Variants in CCAR1 observed in about 807,000 individuals in gnomAD.
CCAR1 encodes cell division cycle and apoptosis regulator protein 1.
In CCAR1, 78 loss-of-function variants were observed where a neutral mutation model predicts 163.8. That is an observed-to-expected ratio of 0.48 (90% CI 0.40 to 0.57). The LOEUF is 0.57. Ranked by LOEUF, CCAR1 falls within the 20% of genes least tolerant of loss-of-function variation. The pLI, the probability that CCAR1 is intolerant of heterozygous loss-of-function variation, is 0.00. For synonymous variants in CCAR1, 443 were observed against 460.7 expected, an observed-to-expected ratio of 0.96 and a Z score of 0.49; for missense variants, 1,019 against 1,365.2, an observed-to-expected ratio of 0.75 and a Z score of 4.00.
At position 68,754,818 on chromosome 10, in the gene CCAR1, A is replaced by G; in HGVS notation, c.1449A>G (p.Arg483=). ...GAGATGGATTCCAACATCCTGCTAG[A>G]CTTGTTAAGGTAAAAGGACACATTT... ...ELRDGFQHPA[R]LVKFLVGMKG... The change falls in exon 12 of 25, where the codon AGA becomes AGG. Residue 483 remains arginine, a synonymous_variant. Transcript: ENST00000265872. The G allele has an allele frequency of 6.3e-7, 1 of 1,576,796 alleles. No homozygotes were observed.
At chr10:68,745,907 C>T (rs1432141831) in intron 6 of CCAR1, among the ~76,000 whole-genome samples, 7 of 152,006 alleles carry the variant, frequency 4.6e-5, no homozygotes, top group East Asian at 1.9e-4. Flanking sequence ...AAAGTTATGG[C>T]GTTAGAGGCA....
chr10:68,766,613 G>A (rs139499210), intron 17 of CCAR1, among the ~76,000 whole-genome samples: 3 of 151,824 alleles, frequency 2.0e-5, no homozygotes, highest in African/African-American at 7.3e-5. Flanking sequence ...TGCAACCTCC[G>A]CCTCCCGGGT....
At chr10:68,737,317 C>G (rs1244515954) in intron 3 of CCAR1, among the ~76,000 whole-genome samples, 1 of 151,842 alleles carries the variant, frequency 6.6e-6, no homozygotes, top group Non-Finnish European at 1.5e-5. Flanking sequence ...CCAGCCTGTG[C>G]AACGTGGTGA....
chr10:68,732,677 C>G (rs866811567), intron 2 of CCAR1, among the ~76,000 whole-genome samples: 2 of 152,106 alleles, frequency 1.3e-5, no homozygotes, highest in East Asian at 3.9e-4. Flanking sequence ...CTTTCTAGGG[C>G]CTATATATAA....
rs147082989 is a variant in CCAR1 at position 68,768,919 on chromosome 10, A to G, written c.2299-2287A>G. On this transcript the variant is annotated intron_variant, in intron 17 of 24. Coordinates refer to ENST00000265872, the MANE Select transcript of CCAR1 (RefSeq NM_018237.4). The stretch of plus-strand genomic sequence containing the variant: ...GAAAATGATCTGATTAACATATTTT[A>G]GCAAATATATCAGATTTGCAAAGAT... Among the ~76,000 whole-genome samples the G allele has an allele frequency of 6.0e-3, 920 of 152,346 alleles. 7 individuals carry two copies. The highest frequency in any genetic ancestry group is 0.021 in the African/African-American group (878 of 41,586).
chr10:68,746,220 C>G (rs1384971293), intron 6 of CCAR1, among the ~76,000 whole-genome samples: 2 of 151,788 alleles, frequency 1.3e-5, no homozygotes, highest in East Asian at 3.9e-4. Flanking sequence ...ATCCACCCAC[C>G]TCGGCCTCCC....
At chr10:68,773,226 T>A in intron 19 of CCAR1, 127 bp downstream of exon 19, 1 of 510,996 alleles carries the variant, frequency 2.0e-6, no homozygotes, top group Non-Finnish European at 3.5e-6. Flanking sequence ...AATATACTCT[T>A]CAGTGAGAAA....
intron 2 of CCAR1, among the ~76,000 whole-genome samples, chr10:68,726,853 G>C (rs188918545): frequency 1.3e-5 from 2 of 151,516 alleles, no homozygotes; most frequent in African/African-American, 4.8e-5. Flanking sequence ...AAAATTAGCC[G>C]GACATAGTGG....
chr10:68,782,374 G>A (rs1213715133), intron 19 of CCAR1, among the ~76,000 whole-genome samples: 1 of 151,942 alleles, frequency 6.6e-6, no homozygotes, highest in East Asian at 1.9e-4. Flanking sequence ...TTACGCCACT[G>A]CACTCAAGCC....
chr10:68,722,539 G>T lies in CCAR1; in HGVS notation c.35G>T (p.Trp12Leu). Reference protein sequence around the residue: ...AQFGGQKNPPWATQFTATAVS... With the variant: ...AQFGGQKNPPLATQFTATAVS... ...TTTGGAGGACAGAAGAATCCGCCAT[G>T]GGCTACTCAGTTTACAGCCACTGCA... The change falls in exon 2 of 25, where the codon TGG becomes TTG. Residue 12 changes from tryptophan (W) to leucine (L), a missense_variant. Transcript: ENST00000265872. 6.2e-7 allele frequency: 1 copy of T among 1,613,928 alleles called. No individual in the cohort carries two copies. The highest frequency in any genetic ancestry group is 8.5e-7 in the Non-Finnish European group (1 of 1,179,842).
intron 21 of CCAR1, 84 bp from the exon 22 acceptor site, chr10:68,787,843 A>T (rs2056812923): frequency 1.3e-5 from 17 of 1,356,814 alleles, no homozygotes; most frequent in Non-Finnish European, 1.7e-5. Flanking sequence ...CTCAAAAGAA[A>T]GTGAAAATTA....
chr10:68,775,497 C>CTTTTTTTTTTTTTTTTTTTTT (rs58856212), intron 19 of CCAR1, among the ~76,000 whole-genome samples: 1 of 117,986 alleles, frequency 8.5e-6, no homozygotes. Context: ...GCCTCATTTT[C>CTTTTTTTTTTTTTTTTTTTTT]TTTTTTTTTT....
At chr10:68,738,889 A>C (rs1371872998) in intron 4 of CCAR1, among the ~76,000 whole-genome samples, 1 of 152,214 alleles carries the variant, frequency 6.6e-6, no homozygotes, top group African/African-American at 2.4e-5. Context: ...TCTACTAAAA[A>C]TAGAAAAATT....
chr10:68,770,053 T>A (rs927878913), intron 17 of CCAR1, among the ~76,000 whole-genome samples: 1 of 152,210 alleles, frequency 6.6e-6, no homozygotes, highest in Non-Finnish European at 1.5e-5. Context: ...GGCTTAAAAT[T>A]GTTTCCCTAA....
At chr10:68,729,142 T>C (rs1277659893) in intron 2 of CCAR1, among the ~76,000 whole-genome samples, 1 of 152,196 alleles carries the variant, frequency 6.6e-6, no homozygotes. Flanking sequence ...AATAACCACA[T>C]GTATTTGGTG....
rs557695056 is a variant in CCAR1, at chr10:68,758,030, C to A, written c.1920+653C>A. On this transcript the variant is annotated intron_variant, in intron 15 of 24. Coordinates refer to ENST00000265872, the MANE Select transcript of CCAR1 (RefSeq NM_018237.4). ...TGCTGGGATTACAGGTGTGAGCCAC[C>A]GTGCCTGGCCGTAATTTGGTTTTTA... Among the ~76,000 whole-genome samples the A allele has an allele frequency of 3.9e-5, 6 of 152,162 alleles. No homozygotes were observed. The East Asian group carries it at 1.2e-3, about 29-fold the overall frequency.
chr10:68,784,284 C>T (rs938039144), intron 19 of CCAR1, among the ~76,000 whole-genome samples: 19 of 152,002 alleles, frequency 1.2e-4, no homozygotes, highest in African/African-American at 4.1e-4. Context: ...GCCGTGATCT[C>T]GGCTCACTGC....
Position 68,755,572 on chromosome 10 carries a change from T to C in CCAR1, c.1625+36T>C, listed in dbSNP as rs527859820. ...ATTCATTTCTTGATTAGAAGTGTTT[T>C]ACTGATAGTTTATGTAGTTGTTCTT... On this transcript the variant is annotated intron_variant, in intron 13 of 24. Coordinates refer to ENST00000265872, the MANE Select transcript of CCAR1 (RefSeq NM_018237.4). The C allele has an allele frequency of 4.5e-6, 7 of 1,560,638 alleles. No homozygotes were observed. In the East Asian group the frequency reaches 1.6e-4, roughly 35 times the overall value.
intron 16 of CCAR1, among the ~76,000 whole-genome samples, chr10:68,762,709 A>G (rs1025700797): frequency 4.6e-5 from 7 of 152,228 alleles, no homozygotes; most frequent in Non-Finnish European, 1.0e-4. Context: ...TGATTGTGAG[A>G]AAACAGATAA....
Sources: allele counts gnomAD v4.1 joint callset (sites outside exome capture counted in the v4.1 genomes callset), GRCh38; gene constraint gnomAD v4.1.1; transcripts MANE v1.5; gene names NCBI Gene and HGNC (gene_info 2026-07-23, HGNC 2026-07-21).